Variants in LAMA2 observed in about 807,000 individuals in gnomAD.
The protein encoded by LAMA2 is laminin subunit alpha-2.
LAMA2 carries 269 observed loss-of-function variants against 364.8 expected under a neutral mutation model. The observed-to-expected ratio is 0.74, with a 90% CI of 0.67 to 0.82. LAMA2 has a LOEUF of 0.82. Among genes scored for constraint, LAMA2 ranks in the 40% least tolerant of loss-of-function variants. The probability of loss-of-function intolerance (pLI) is 0.00; values close to 1 mark genes in which losing one functional copy is unlikely to be tolerated. For synonymous variants in LAMA2, 1,379 were observed against 1,370.6 expected (o/e 1.01, Z -0.14); for missense variants, 3,807 against 3,873.2 (o/e 0.98, Z 0.45).
At chr6:129,058,244 A>C (rs1287456987) in intron 2 of LAMA2, among the ~76,000 whole-genome samples, 2 of 152,204 alleles carry the variant, frequency 1.3e-5, no homozygotes, top group Non-Finnish European at 2.9e-5. Context: ...GACAAGAACC[A>C]ATGACTGGGA....
chr6:128,888,546 T>C (rs1352351726), intron 1 of LAMA2, among the ~76,000 whole-genome samples: 3 of 152,180 alleles, frequency 2.0e-5, no homozygotes, highest in African/African-American at 4.8e-5. Context: ...GGCTATTTTG[T>C]TGGTAAAGGT....
At chr6:128,981,016 G>A (rs148083014) in intron 1 of LAMA2, among the ~76,000 whole-genome samples, 51 of 151,846 alleles carry the variant, frequency 3.4e-4, no homozygotes, top group African/African-American at 1.1e-3. Flanking sequence ...CTAAACAAAC[G>A]GACTCTTTCC....
chr6:129,475,895 A>G (rs557926836), intron 53 of LAMA2, among the ~76,000 whole-genome samples: 170 of 152,204 alleles, frequency 1.1e-3, no homozygotes, highest in African/African-American at 3.9e-3. Context: ...AAACATTTAC[A>G]CAGCCTTTGC....
At chr6:129,415,501 G>A (rs1319063502) in intron 40 of LAMA2, among the ~76,000 whole-genome samples, 1 of 152,154 alleles carries the variant, frequency 6.6e-6, no homozygotes, top group South Asian at 2.1e-4. Flanking sequence ...ACCCTATAGT[G>A]CAAGTTGTGG....
chr6:129,250,130 C>G lies in LAMA2; in HGVS notation c.1801C>G (p.Gln601Glu). Residue 601 changes from glutamine to glutamate, a missense_variant, in exon 13 of 65, where the codon CAG (glutamine) becomes GAG (glutamate). By Grantham distance (29) the Gln-to-Glu change is conservative. Around this residue, in one of 3 missense-constraint regions of LAMA2, gnomAD observed 3,333 missense variants for 3,345.7 expected, o/e 1.00. Transcript: ENST00000421865. ...CTTGTAGCTCCCAGCAGTAGGAGGA[C>G]AGTTGACATTTACCATATCATATGA... is the stretch of plus-strand genomic sequence containing the variant. ...LGNKLPAVGG[Q>E]LTFTISYDLE... 1 of 1,603,746 alleles carries G rather than the reference C, an allele frequency of 6.2e-7. No individual in the cohort carries two copies. Among genetic ancestry groups the G allele is most frequent in the South Asian group, 1.1e-5 (1 of 90,870 alleles).
chr6:129,321,477 G>T (rs536772461), intron 28 of LAMA2, among the ~76,000 whole-genome samples: 4 of 152,278 alleles, frequency 2.6e-5, no homozygotes, highest in African/African-American at 7.2e-5. Flanking sequence ...AGCCTGGCAT[G>T]CATGGGGCCT....
At chr6:129,120,638 G>T (rs1349666353) in intron 4 of LAMA2, among the ~76,000 whole-genome samples, 1 of 152,138 alleles carries the variant, frequency 6.6e-6, no homozygotes, top group Non-Finnish European at 1.5e-5. Flanking sequence ...ACCTTTCCCT[G>T]CCAATGACTT....
At chr6:128,896,503 C>T (rs1776786531) in intron 1 of LAMA2, among the ~76,000 whole-genome samples, 1 of 151,278 alleles carries the variant, frequency 6.6e-6, no homozygotes, top group Admixed American at 6.6e-5. Flanking sequence ...GCTATAGATA[C>T]ACTTTATATG....
chr6:129,043,336 T>C (rs1290999337), intron 1 of LAMA2, among the ~76,000 whole-genome samples: 1 of 152,184 alleles, frequency 6.6e-6, no homozygotes, highest in African/African-American at 2.4e-5. Flanking sequence ...TTAATATGCA[T>C]TTAAAAGAAT....
chr6:128,967,636 T>C (rs1175548335), intron 1 of LAMA2, among the ~76,000 whole-genome samples: 1 of 152,198 alleles, frequency 6.6e-6, no homozygotes, highest in Non-Finnish European at 1.5e-5. Context: ...GGATCTTTAC[T>C]AATCAGGATC....
intron 4 of LAMA2, among the ~76,000 whole-genome samples, chr6:129,110,847 A>G (rs1776118155): frequency 6.6e-6 from 1 of 152,032 alleles, no homozygotes; most frequent in African/African-American, 2.4e-5. Context: ...AGTTTGTGTG[A>G]CACTGTGTGG....
At chr6:129,414,659 GA>G (rs1453586059) in intron 40 of LAMA2, among the ~76,000 whole-genome samples, 2 of 152,064 alleles carry the variant, frequency 1.3e-5, no homozygotes, top group African/African-American at 4.8e-5. Context: ...AATGGGTCTG[GA>G]AATGAAACAA....
In LAMA2 at chr6:129,453,117, G is replaced by A. The variant is rs756173043; in HGVS notation, c.6559G>A (p.Gly2187Arg). The change falls in exon 46 of 65, where the codon GGA becomes AGA. Residue 2187 changes from glycine (G) to arginine (R), a missense_variant. This residue lies in a region of LAMA2 where 3,333 missense variants were observed against 3,345.7 expected (regional missense o/e 1.00). Transcript: ENST00000421865. ...TGCTGATAACCTCCTCTTTTATCTT[G>A]GAAGTGCCAAATTTGTAAGTCTAAT... ...AVADNLLFYL[G>R]SAKFIDFLAI... is the part of the protein sequence containing the mutation. 1 of 1,612,652 alleles carries A rather than the reference G, an allele frequency of 6.2e-7. No homozygotes were observed. The highest frequency in any genetic ancestry group is 2.2e-5 in the East Asian group (1 of 44,768).
chr6:129,126,896 C>T (rs1236591921), intron 4 of LAMA2, among the ~76,000 whole-genome samples: 2 of 151,938 alleles, frequency 1.3e-5, no homozygotes, highest in African/African-American at 2.4e-5. Context: ...CATGGTGAAA[C>T]GCCACCAGAA....
At chr6:129,370,841 T>TG (rs1778034281) in intron 34 of LAMA2, among the ~76,000 whole-genome samples, 1 of 152,204 alleles carries the variant, frequency 6.6e-6, no homozygotes, top group African/African-American at 2.4e-5. Context: ...AGATTCCCAC[T>TG]GGCCCAGTAC....
intron 12 of LAMA2, among the ~76,000 whole-genome samples, chr6:129,200,315 TACGTGTACACATATACATATAC>T (rs1782167424): frequency 8.1e-6 from 1 of 124,058 alleles, no homozygotes; most frequent in South Asian, 2.5e-4. Context: ...TGTATATATA[TACGTGTACACATATACATATAC>T]ACGTATATGT....
At chr6:129,158,003 A>G (rs1193883868) in intron 8 of LAMA2, 60 of 1,613,356 alleles carry the variant, frequency 3.7e-5, no homozygotes, top group Admixed American at 5.0e-5. Flanking sequence ...AGCAACTCCC[A>G]TTTTTCTTGA....
intron 9 of LAMA2, among the ~76,000 whole-genome samples, chr6:129,169,813 G>A (rs1489146995): frequency 4.2e-5 from 6 of 142,850 alleles, no homozygotes; most frequent in Admixed American, 4.1e-4. Flanking sequence ...TGGTTGGTAA[G>A]CTATTGATTA....
intron 52 of LAMA2, among the ~76,000 whole-genome samples, chr6:129,473,798 C>T (rs190660161): frequency 6.6e-6 from 1 of 152,024 alleles, no homozygotes; most frequent in African/African-American, 2.4e-5. Flanking sequence ...TGGAGCTTTC[C>T]CATATGCCTA....
Sources: gnomAD v4.1 joint callset for allele counts (sites outside exome capture counted in the v4.1 genomes callset) on GRCh38, gnomAD v4.1.1 for gene constraint, gnomAD v4.1.1 regional missense constraint, MANE v1.5 for transcripts, NCBI Gene and HGNC (gene_info 2026-07-23, HGNC 2026-07-21) for gene names.